SLC39A11: variants seen among roughly 807,000 people sequenced by gnomAD.
The protein encoded by SLC39A11 is solute carrier family 39 member 11.
SLC39A11 carries 33 observed loss-of-function variants against 36.1 expected under a neutral mutation model. The observed-to-expected ratio is 0.91, with a 90% CI of 0.69 to 1.22. The LOEUF (loss-of-function observed/expected upper bound fraction) is 1.22. Among genes scored for constraint, SLC39A11 ranks in the 50% most tolerant of loss-of-function variants. The pLI is 0.00. For missense variants in SLC39A11, 432 were observed against 430.3 expected, an observed-to-expected ratio of 1.00 and a Z score of -0.03; for synonymous variants, 166 against 170.3, an observed-to-expected ratio of 0.97 and a Z score of 0.20.
intron 5 of SLC39A11, among the ~76,000 whole-genome samples, chr17:72,900,042 GAGAGAA>G (rs2082255185): frequency 7.6e-6 from 1 of 132,246 alleles, no homozygotes; most frequent in South Asian, 2.4e-4. Context: ...GAGAAAGAGA[GAGAGAA>G]AGAGAAAGAA....
chr17:72,934,086 CAAAT>C (rs1310753848), intron 5 of SLC39A11, among the ~76,000 whole-genome samples: 1 of 147,956 alleles, frequency 6.8e-6, no homozygotes, highest in African/African-American at 2.5e-5. Context: ...TTTGAAACTT[CAAAT>C]AGATAGTAGA....
chr17:72,966,528 G>A (rs1302121413), intron 4 of SLC39A11, among the ~76,000 whole-genome samples: 1 of 151,954 alleles, frequency 6.6e-6, no homozygotes, highest in Non-Finnish European at 1.5e-5. Context: ...TGAGCAGCAG[G>A]GGGTTGAGGA....
intron 6 of SLC39A11, among the ~76,000 whole-genome samples, chr17:72,756,031 C>T (rs1004015782): frequency 6.6e-6 from 1 of 152,244 alleles, no homozygotes; most frequent in South Asian, 2.1e-4. Context: ...TGTCTACTCT[C>T]GAGAAAACAA....
chr17:73,000,883 T>C (rs1289365543), intron 4 of SLC39A11, among the ~76,000 whole-genome samples: 1 of 152,242 alleles, frequency 6.6e-6, no homozygotes, highest in Non-Finnish European at 1.5e-5. Flanking sequence ...AAGAAAACTT[T>C]AGTGCTTGAA....
intron 5 of SLC39A11, among the ~76,000 whole-genome samples, chr17:72,943,890 C>A (rs2085268437): frequency 6.6e-6 from 1 of 152,118 alleles, no homozygotes; most frequent in African/African-American, 2.4e-5. Context: ...GTCATGTAAC[C>A]TAAGCATGCT....
chr17:72,944,601 T>C (rs972253062), intron 5 of SLC39A11, among the ~76,000 whole-genome samples: 6 of 152,146 alleles, frequency 3.9e-5, no homozygotes, highest in Admixed American at 3.9e-4. Context: ...AGTCCTTTGG[T>C]ACTCATGCAT....
chr17:72,906,941 C>T (rs1340702598), intron 5 of SLC39A11, among the ~76,000 whole-genome samples: 5 of 152,192 alleles, frequency 3.3e-5, no homozygotes, highest in Non-Finnish European at 5.9e-5. Flanking sequence ...GAGATCAGGG[C>T]TGCCTAATCA....
At chr17:72,942,760 T>C (rs759555844) in intron 5 of SLC39A11, among the ~76,000 whole-genome samples, 5 of 152,168 alleles carry the variant, frequency 3.3e-5, no homozygotes, top group Non-Finnish European at 7.4e-5. Context: ...GTGGCTGAGC[T>C]TATAGCGAGA....
At chr17:72,764,538 T>C (rs1211790228) in intron 6 of SLC39A11, among the ~76,000 whole-genome samples, 1 of 152,120 alleles carries the variant, frequency 6.6e-6, no homozygotes, top group African/African-American at 2.4e-5. Context: ...CCAGGCCTTG[T>C]GTACCCCTTC....
intron 5 of SLC39A11, among the ~76,000 whole-genome samples, chr17:72,895,518 G>T (rs951296943): frequency 2.6e-5 from 4 of 151,872 alleles, no homozygotes; most frequent in African/African-American, 9.7e-5. Flanking sequence ...AGCGGAGGTT[G>T]CAGTGAGCTG....
intron 3 of SLC39A11, among the ~76,000 whole-genome samples, chr17:73,051,905 C>T (rs1016569803): frequency 1.3e-5 from 2 of 150,204 alleles, no homozygotes; most frequent in African/African-American, 2.5e-5. Flanking sequence ...AATGTCGAAA[C>T]TCATCTGTAA....
At chr17:72,665,060 G>C (rs1472730513) in intron 7 of SLC39A11, among the ~76,000 whole-genome samples, 2 of 152,190 alleles carry the variant, frequency 1.3e-5, no homozygotes, top group African/African-American at 2.4e-5. Flanking sequence ...AAGGCTTGTA[G>C]CTTCTTTCTC....
chr17:72,737,275 CA>C (rs35677260), intron 6 of SLC39A11, among the ~76,000 whole-genome samples: 99,051 of 145,118 alleles, frequency 0.68, 33,323 homozygotes, highest in Non-Finnish European at 0.73. Context: ...GACTCTGTCT[CA>C]AAAAAAAAAA....
chr17:73,003,441 C>T (rs993391450), intron 4 of SLC39A11, among the ~76,000 whole-genome samples: 43 of 152,134 alleles, frequency 2.8e-4, no homozygotes, highest in African/African-American at 1.0e-3. Context: ...CACAAAGGCA[C>T]TGGTGGGCAG....
intron 5 of SLC39A11, among the ~76,000 whole-genome samples, chr17:72,917,312 T>C (rs1261341300): frequency 6.6e-6 from 1 of 152,236 alleles, no homozygotes; most frequent in East Asian, 1.9e-4. Flanking sequence ...AAGCACTGTG[T>C]CTGGGCTGTG....
intron 5 of SLC39A11, among the ~76,000 whole-genome samples, chr17:72,853,984 G>C (rs373760813): frequency 2.0e-5 from 3 of 152,134 alleles, no homozygotes; most frequent in African/African-American, 7.2e-5. Context: ...CTTTTGAAGT[G>C]GAGTTTGGGA....
At chr17:73,062,604 T>C (rs1018139173) in intron 3 of SLC39A11, among the ~76,000 whole-genome samples, 5 of 135,664 alleles carry the variant, frequency 3.7e-5, no homozygotes, top group South Asian at 4.9e-4. Context: ...CCTGGTTGGA[T>C]AGAAACTTTC....
intron 4 of SLC39A11, among the ~76,000 whole-genome samples, chr17:72,965,427 C>A (rs1310793786): frequency 6.6e-6 from 1 of 152,146 alleles, no homozygotes; most frequent in East Asian, 1.9e-4. Context: ...ATAGAAACTG[C>A]ACTTTGAATA....
chr17:72,668,691 G>A (rs1206063403), intron 7 of SLC39A11, among the ~76,000 whole-genome samples: 1 of 152,230 alleles, frequency 6.6e-6, no homozygotes, highest in Non-Finnish European at 1.5e-5. Context: ...CCAAGAAAGT[G>A]TAATCATGCA....
Sources: gnomAD v4.1 joint callset for allele counts (sites outside exome capture counted in the v4.1 genomes callset) on GRCh38, gnomAD v4.1.1 for gene constraint, MANE v1.5 for transcripts, NCBI Gene and HGNC (gene_info 2026-07-23, HGNC 2026-07-21) for gene names.